Variants in DNAH6 observed in about 807,000 individuals in gnomAD.
The protein encoded by DNAH6 is axonemal beta dynein heavy chain 6.
Under a neutral mutation model 491.4 loss-of-function variants are expected in DNAH6, and 340 were observed. The observed-to-expected ratio is 0.69, with a 90% confidence interval of 0.63 to 0.76. The LOEUF is 0.76. Ranked by LOEUF, DNAH6 falls within the 30% of genes least tolerant of loss-of-function variation. DNAH6 has a pLI of 0.00. For synonymous variants in DNAH6, 1,603 were observed against 1,686.1 expected, an observed-to-expected ratio of 0.95 and a Z score of 1.21; for missense variants, 4,443 against 4,972.2, an observed-to-expected ratio of 0.89 and a Z score of 3.20.
intron 64 of DNAH6, chr2:84,777,861 T>C: frequency 8.0e-7 from 1 of 1,246,434 alleles, no homozygotes; most frequent in South Asian, 1.2e-5. Flanking sequence ...AAATTGCAGT[T>C]CGTGCTGTAT....
intron 61 of DNAH6, among the ~76,000 whole-genome samples, chr2:84,731,426 G>T (rs1699103960): frequency 1.3e-5 from 2 of 152,196 alleles, no homozygotes; most frequent in South Asian, 4.1e-4. Flanking sequence ...TGTTGTCCCA[G>T]CTCCTAAGAT....
chr2:84,699,505 T>C (rs1161714856), intron 47 of DNAH6, 89 bp from the exon 48 acceptor site: 7 of 1,125,830 alleles, frequency 6.2e-6, no homozygotes, highest in Non-Finnish European at 8.7e-6. Context: ...ATATTTGATA[T>C]TGGGAGCCTC....
At chr2:84,533,517 T>C (rs1677378778) in intron 4 of DNAH6, among the ~76,000 whole-genome samples, 1 of 152,134 alleles carries the variant, frequency 6.6e-6, no homozygotes. Flanking sequence ...AATTTTAGGC[T>C]GACTGAATTA....
intron 64 of DNAH6, among the ~76,000 whole-genome samples, chr2:84,771,374 T>C (rs1378817178): frequency 6.6e-6 from 1 of 151,494 alleles, no homozygotes; most frequent in Non-Finnish European, 1.5e-5. Context: ...AATGGAAATC[T>C]GAGAAGAGGA....
intron 66 of DNAH6, 45 bp from the exon 67 acceptor site, chr2:84,785,565 C>G: frequency 6.8e-7 from 1 of 1,463,184 alleles, no homozygotes; most frequent in Non-Finnish European, 9.0e-7. Flanking sequence ...TAATGCAAAT[C>G]TATAAAATCA....
chr2:84,557,747 G>GGT lies in DNAH6; in HGVS notation c.1617_1618dup (p.Ala540ValfsTer45), dbSNP rs761245379. On this transcript the variant is annotated frameshift_variant, in exon 11 of 77. Transcript: ENST00000389394. LOFTEE classifies it high-confidence loss of function. Reference sequence around the variant, plus strand: ...TTCTCTTTAACAGGATGGTATTTTGGGTGCAGTTAATCACTGTCAAAACAC... The same window carrying GGT: ...TTCTCTTTAACAGGATGGTATTTTGGGTGTGCAGTTAATCACTGTCAAAACAC... 1.9e-6 allele frequency: 3 copies of GGT among 1,590,830 alleles called. No homozygotes were observed. The highest frequency in any genetic ancestry group is 2.6e-6 in the Non-Finnish European group (3 of 1,164,528).
Position 84,762,949 on chromosome 2 carries a change from A to G in DNAH6, c.10703+4A>G. 5 of 1,549,430 alleles carry G rather than the reference A, an allele frequency of 3.2e-6. No individual in the cohort carries two copies. Among genetic ancestry groups the G allele is most frequent in the Non-Finnish European group, 4.4e-6 (5 of 1,145,466 alleles). On this transcript the variant is annotated splice_donor_region_variant and intron_variant, in intron 64 of 76. Transcript: ENST00000389394. ...GGGAAAGTGGATATTCAGAACGGTA[A>G]GTTCATGTTGTGCAGTTTTAATAAT...
chr2:84,728,544 T>C (rs534230187), intron 61 of DNAH6, among the ~76,000 whole-genome samples: 1 of 152,348 alleles, frequency 6.6e-6, no homozygotes, highest in Non-Finnish European at 1.5e-5. Flanking sequence ...CTAGTAGAAG[T>C]GAACATGTTT....
intron 41 of DNAH6, among the ~76,000 whole-genome samples, chr2:84,679,523 C>A (rs1693570831): frequency 6.6e-6 from 1 of 152,186 alleles, no homozygotes. Context: ...AAACCGTGAT[C>A]AGCTCCATAA....
intron 63 of DNAH6, among the ~76,000 whole-genome samples, chr2:84,752,067 A>T (rs1673522773): frequency 6.6e-6 from 1 of 152,218 alleles, no homozygotes; most frequent in African/African-American, 2.4e-5. Flanking sequence ...TGGTGTTTCC[A>T]TCCAGGTTTC....
At chr2:84,648,498 T>C (rs1326425830) in intron 33 of DNAH6, among the ~76,000 whole-genome samples, 1 of 152,262 alleles carries the variant, frequency 6.6e-6, no homozygotes, top group Non-Finnish European at 1.5e-5. Context: ...TCATGATTCA[T>C]GGTAAGACAG....
intron 64 of DNAH6, among the ~76,000 whole-genome samples, chr2:84,772,300 A>T (rs77261788): frequency 0.022 from 3,413 of 152,222 alleles, 119 homozygotes; most frequent in African/African-American, 0.078. Flanking sequence ...AGGAACAACA[A>T]GGATATGACA....
Position 84,557,644 on chromosome 2 carries a change from G to A in DNAH6, c.1603-91G>A, listed in dbSNP as rs551066700. On this transcript the variant is annotated intron_variant, in intron 10 of 76. Coordinates refer to ENST00000389394, the MANE Select transcript of DNAH6 (RefSeq NM_001370.2). Reference sequence around the variant, plus strand: ...CGCAGTCCGGCCTGGGCGACAGAGCGAGACTCCGTCTCAAAAAAAAAAAAA... The same window carrying A: ...CGCAGTCCGGCCTGGGCGACAGAGCAAGACTCCGTCTCAAAAAAAAAAAAA... 14 of 207,624 alleles carry A rather than the reference G, an allele frequency of 6.7e-5. No individual in the cohort carries two copies. In the South Asian group the frequency reaches 8.1e-4, roughly 12 times the overall value. 12.9% of individuals were successfully genotyped at this position (207,624 alleles called of 1,614,324 possible). A position where few individuals can be genotyped will look rare whatever the true frequency, so the allele number is the denominator to read the frequency against.
intron 64 of DNAH6, among the ~76,000 whole-genome samples, chr2:84,763,800 AAACTCAG>A (rs200352702): frequency 0.021 from 3,147 of 151,178 alleles, 114 homozygotes; most frequent in African/African-American, 0.072. Context: ...CAACAACTGG[AAACTCAG>A]CACAGCTGAT....
At chr2:84,694,097 C>G (rs898753041) in intron 45 of DNAH6, among the ~76,000 whole-genome samples, 152 bp from the exon 46 acceptor site, 1 of 152,262 alleles carries the variant, frequency 6.6e-6, no homozygotes. Context: ...GTTCACCAAA[C>G]CCTGGCCTCA....
At chr2:84,544,525 A>G (rs1306164295) in intron 5 of DNAH6, 25 bp downstream of exon 5, 2 of 1,251,002 alleles carry the variant, frequency 1.6e-6, no homozygotes, top group South Asian at 3.0e-5. Context: ...TTTATATTTT[A>G]AAATAATTAC....
chr2:84,580,647 C>G (rs1573091331), intron 14 of DNAH6, among the ~76,000 whole-genome samples: 1 of 152,124 alleles, frequency 6.6e-6, no homozygotes, highest in Non-Finnish European at 1.5e-5. Context: ...ATCGTGCCTT[C>G]TCAAAAAGGC....
chr2:84,595,295 A>C (rs1003093266), intron 17 of DNAH6, among the ~76,000 whole-genome samples: 2 of 152,230 alleles, frequency 1.3e-5, no homozygotes, highest in African/African-American at 4.8e-5. Flanking sequence ...TAAAATATGT[A>C]TGTTAAACAG....
chr2:84,536,420 T>C (rs1461784353), intron 4 of DNAH6, among the ~76,000 whole-genome samples: 1 of 152,084 alleles, frequency 6.6e-6, no homozygotes, highest in Non-Finnish European at 1.5e-5. Context: ...GGAAACGTAA[T>C]GTTTAAAATG....
Sources: gnomAD v4.1 joint callset for allele counts (sites outside exome capture counted in the v4.1 genomes callset) on GRCh38, gnomAD v4.1.1 for gene constraint, MANE v1.5 for transcripts, NCBI Gene and HGNC (gene_info 2026-07-23, HGNC 2026-07-21) for gene names.